The following CNTN4 variants were observed in gnomAD, a reference collection of about 807,000 sequenced individuals.
The protein encoded by CNTN4 is contactin 4, also known as contactin-4.
CNTN4 carries 77 observed loss-of-function variants against 122.5 expected under a neutral mutation model. That is an observed-to-expected ratio of 0.63 (90% CI 0.52 to 0.76). The LOEUF is 0.76. Ranked by LOEUF, CNTN4 falls within the 30% of genes least tolerant of loss-of-function variation. CNTN4 has a pLI of 0.00. For missense variants in CNTN4, 1,256 were observed against 1,259.1 expected (o/e 1.00, Z 0.04); for synonymous variants, 512 against 447.0 (o/e 1.15, Z -1.83).
chr3:2,905,655 T>C (rs527937050), intron 12 of CNTN4, among the ~76,000 whole-genome samples: 101 of 152,312 alleles, frequency 6.6e-4, no homozygotes, highest in African/African-American at 2.4e-3. Context: ...TGAAAATGCC[T>C]GAGAAATTAT....
chr3:2,576,551 CTTT>C (rs11313015), intron 4 of CNTN4, among the ~76,000 whole-genome samples: 40 of 131,218 alleles, frequency 3.0e-4, no homozygotes, highest in African/African-American at 6.8e-4. Flanking sequence ...CTGTTTTTTT[CTTT>C]TTTTTTTTTT....
At chr3:2,440,563 G>C (rs1017809259) in intron 3 of CNTN4, among the ~76,000 whole-genome samples, 1 of 152,060 alleles carries the variant, frequency 6.6e-6, no homozygotes, top group Non-Finnish European at 1.5e-5. Flanking sequence ...TGTCGTGTGA[G>C]TGTATTTGAG....
chr3:2,851,590 G>GT (rs2093551659), intron 7 of CNTN4, among the ~76,000 whole-genome samples: 1 of 152,100 alleles, frequency 6.6e-6, no homozygotes, highest in Admixed American at 6.5e-5. Context: ...TTCGCTTGGC[G>GT]TTTTATTGTT....
chr3:2,697,974 A>G (rs1297738187), intron 4 of CNTN4, among the ~76,000 whole-genome samples: 3 of 152,200 alleles, frequency 2.0e-5, no homozygotes, highest in Non-Finnish European at 2.9e-5. Flanking sequence ...TGTTACTCAC[A>G]CCCAAAAAAC....
At position 2,179,424 on chromosome 3, in the gene CNTN4, C is replaced by G. The variant is rs564002764; in HGVS notation, c.-145+78785C>G. On this transcript the variant is annotated intron_variant, in intron 2 of 24. Coordinates refer to ENST00000418658, the MANE Select transcript of CNTN4 (RefSeq NM_175607.3). ...GACTTAGATTTCATTAATACAATACCTTGTACCTCCAATGAAGTTGAGATA... is the reference window on the plus strand; with the variant it reads ...GACTTAGATTTCATTAATACAATACGTTGTACCTCCAATGAAGTTGAGATA... Among the ~76,000 whole-genome samples the G allele has an allele frequency of 2.6e-5, 4 of 152,098 alleles. No homozygotes were observed. The East Asian group carries it at 5.8e-4, about 22-fold the overall frequency.
At chr3:2,823,733 T>G (rs1258764936) in intron 7 of CNTN4, among the ~76,000 whole-genome samples, 2 of 152,176 alleles carry the variant, frequency 1.3e-5, no homozygotes, top group Non-Finnish European at 2.9e-5. Context: ...TTTGAGATTC[T>G]TCCTTCCAAT....
chr3:2,113,101 T>C (rs891829120), intron 2 of CNTN4, among the ~76,000 whole-genome samples: 1 of 152,224 alleles, frequency 6.6e-6, no homozygotes, highest in Non-Finnish European at 1.5e-5. Flanking sequence ...AAAAGAGCTA[T>C]AGAAATATAA....
intron 2 of CNTN4, among the ~76,000 whole-genome samples, chr3:2,296,246 T>A (rs1285792422): frequency 2.0e-5 from 3 of 152,292 alleles, no homozygotes; most frequent in East Asian, 1.9e-4. Flanking sequence ...GGGATGGCGT[T>A]GAATCTATAA....
At chr3:2,613,504 A>C (rs2081585659) in intron 4 of CNTN4, among the ~76,000 whole-genome samples, 1 of 152,140 alleles carries the variant, frequency 6.6e-6, no homozygotes, top group Non-Finnish European at 1.5e-5. Flanking sequence ...TTGTTCATTA[A>C]TGTACTGTAA....
chr3:2,934,699 A>T (rs6442769), intron 13 of CNTN4, among the ~76,000 whole-genome samples: 3 of 152,206 alleles, frequency 2.0e-5, no homozygotes, highest in Admixed American at 6.5e-5. Context: ...CAGAGCTATA[A>T]AGCTCTGTTA....
intron 2 of CNTN4, among the ~76,000 whole-genome samples, chr3:2,194,437 G>T (rs1007102928): frequency 6.6e-6 from 1 of 151,998 alleles, no homozygotes; most frequent in Non-Finnish European, 1.5e-5. Flanking sequence ...CTCCAGCCTG[G>T]GTGACAGAGT....
chr3:2,970,202 C>T (rs1219034926), intron 13 of CNTN4, among the ~76,000 whole-genome samples: 1 of 152,090 alleles, frequency 6.6e-6, no homozygotes, highest in Non-Finnish European at 1.5e-5. Context: ...TCAAGCAATC[C>T]TCTAGCCTCA....
rs74809153 is a variant in CNTN4, at chr3:2,576,683, G to C, written c.55+5125G>C. On this transcript the variant is annotated intron_variant, in intron 4 of 24. Transcript: ENST00000418658. ...CTGCCTCAGTCTCCTGAGGATCTGG[G>C]ATTACAGGTGCCTACCACCACGCCC... 3.0e-3 allele frequency among the ~76,000 whole-genome samples: 461 copies of C among 152,004 alleles called. 2 individuals carry two copies. The highest frequency in any genetic ancestry group is 0.01 in the African/African-American group (434 of 41,466).
intron 2 of CNTN4, among the ~76,000 whole-genome samples, chr3:2,137,317 ATTC>A (rs1294568205): frequency 2.0e-5 from 3 of 152,168 alleles, no homozygotes; most frequent in African/African-American, 7.2e-5. Flanking sequence ...TTTAGGTCTT[ATTC>A]TAAATGAACT....
chr3:2,763,754 T>C (rs929171687), intron 6 of CNTN4, among the ~76,000 whole-genome samples: 6 of 152,090 alleles, frequency 3.9e-5, no homozygotes, highest in African/African-American at 1.4e-4. Context: ...TTCCCCGTTG[T>C]TTGGTTTTGT....
At chr3:3,013,577 G>C (rs984113488) in intron 14 of CNTN4, among the ~76,000 whole-genome samples, 2 of 152,044 alleles carry the variant, frequency 1.3e-5, no homozygotes, top group Non-Finnish European at 2.9e-5. Flanking sequence ...AGTGAACATT[G>C]CATCCTGCAT....
chr3:2,831,149 G>T (rs2093096360), intron 7 of CNTN4, among the ~76,000 whole-genome samples: 1 of 152,194 alleles, frequency 6.6e-6, no homozygotes, highest in Admixed American at 6.5e-5. Flanking sequence ...GGCAAGTGAA[G>T]TTCAGTTTCA....
chr3:2,257,365 G>C (rs1270925149), intron 2 of CNTN4, among the ~76,000 whole-genome samples: 1 of 152,180 alleles, frequency 6.6e-6, no homozygotes, highest in South Asian at 2.1e-4. Flanking sequence ...ATACCATCTA[G>C]GACATAGGCA....
At chr3:2,940,700 G>C (rs914063193) in intron 13 of CNTN4, among the ~76,000 whole-genome samples, 1 of 151,134 alleles carries the variant, frequency 6.6e-6, no homozygotes, top group Non-Finnish European at 1.5e-5. Context: ...CTGTGGGTAG[G>C]AAGAGAAGAT....
Sources: gnomAD v4.1 joint callset for allele counts (sites outside exome capture counted in the v4.1 genomes callset) on GRCh38, gnomAD v4.1.1 for gene constraint, MANE v1.5 for transcripts, NCBI Gene and HGNC (gene_info 2026-07-23, HGNC 2026-07-21) for gene names.